Variants in SLC13A3 observed in about 807,000 individuals in gnomAD.
The protein encoded by SLC13A3 is Na(+)/dicarboxylate cotransporter 3.
In SLC13A3, 40 loss-of-function variants were observed where a neutral mutation model predicts 59.0. The observed-to-expected ratio is 0.68, with a 90% CI of 0.53 to 0.88. The LOEUF is 0.88. Ranked by LOEUF, SLC13A3 falls within the 40% of genes least tolerant of loss-of-function variation. The pLI is 0.00. For synonymous variants in SLC13A3, 317 were observed against 330.3 expected (o/e 0.96, Z 0.44); for missense variants, 699 against 783.2 (o/e 0.89, Z 1.28).
intron 5 of SLC13A3, among the ~76,000 whole-genome samples, chr20:46,594,003 G>A (rs847093): frequency 0.058 from 8,800 of 151,960 alleles, 836 homozygotes; most frequent in African/African-American, 0.2. Flanking sequence ...TTGGCAACAA[G>A]GGCCAAAGGA....
At chr20:46,649,529 C>T (rs2062932359) in intron 1 of SLC13A3, among the ~76,000 whole-genome samples, 2 of 152,236 alleles carry the variant, frequency 1.3e-5, no homozygotes, top group South Asian at 2.1e-4. Flanking sequence ...CTCTTCTTGC[C>T]AGAGAGCTCT....
chr20:46,634,525 C>A (rs2062776579), intron 1 of SLC13A3, among the ~76,000 whole-genome samples: 1 of 152,182 alleles, frequency 6.6e-6, no homozygotes, highest in African/African-American at 2.4e-5. Flanking sequence ...GCCTGAGCCC[C>A]GCCCCCAACC....
chr20:46,623,344 C>G (rs572686423), intron 1 of SLC13A3, among the ~76,000 whole-genome samples: 1 of 152,250 alleles, frequency 6.6e-6, no homozygotes, highest in African/African-American at 2.4e-5. Flanking sequence ...AAGTTTCAGG[C>G]GTCTTCTATG....
chr20:46,662,334 CA>C (rs901920935), intron 1 of SLC13A3, among the ~76,000 whole-genome samples: 1 of 151,960 alleles, frequency 6.6e-6, no homozygotes, highest in South Asian at 2.1e-4. Context: ...GAACTCTTTC[CA>C]AAAAAATAAT....
intron 3 of SLC13A3, among the ~76,000 whole-genome samples, chr20:46,610,043 CT>C: frequency 6.6e-6 from 1 of 152,220 alleles, no homozygotes; most frequent in Admixed American, 6.5e-5. Flanking sequence ...GATTCATCAG[CT>C]TCCTTATTTC....
chr20:46,640,125 T>C (rs1600600613), intron 1 of SLC13A3, among the ~76,000 whole-genome samples: 1 of 152,262 alleles, frequency 6.6e-6, no homozygotes, highest in East Asian at 1.9e-4. Flanking sequence ...TGTGGCTCTT[T>C]TGAAGTCTCC....
chr20:46,680,493 G>T (rs190498419), intron 1 of SLC13A3, among the ~76,000 whole-genome samples: 1 of 152,314 alleles, frequency 6.6e-6, no homozygotes, highest in African/African-American at 2.4e-5. Context: ...CCAGAGGCAG[G>T]GAGAGTGGTC....
At chr20:46,600,248 T>C (rs1388407297) in intron 3 of SLC13A3, among the ~76,000 whole-genome samples, 1 of 69,042 alleles carries the variant, frequency 1.4e-5, no homozygotes, top group Non-Finnish European at 2.8e-5. Flanking sequence ...GAGAGAGAGA[T>C]GGAGGAAGGA....
At chr20:46,595,202 C>G (rs2062298509) in intron 5 of SLC13A3, among the ~76,000 whole-genome samples, 2 of 152,178 alleles carry the variant, frequency 1.3e-5, no homozygotes, top group African/African-American at 4.8e-5. Context: ...AATCCTGGAA[C>G]CTAAAAGTCT....
At chr20:46,661,684 A>G (rs1439888107) in intron 1 of SLC13A3, among the ~76,000 whole-genome samples, 1 of 151,810 alleles carries the variant, frequency 6.6e-6, no homozygotes, top group South Asian at 2.1e-4. Context: ...TGGCCTTTGG[A>G]GGGCTATGGT....
At chr20:46,642,309 G>C (rs982995975) in intron 1 of SLC13A3, among the ~76,000 whole-genome samples, 17 of 152,244 alleles carry the variant, frequency 1.1e-4, no homozygotes, top group Admixed American at 1.1e-3. Flanking sequence ...CTGTGAGCAT[G>C]GGTGTCATTT....
At chr20:46,618,124 AC>A (rs2062580202) in intron 1 of SLC13A3, among the ~76,000 whole-genome samples, 1 of 152,088 alleles carries the variant, frequency 6.6e-6, no homozygotes, top group Admixed American at 6.5e-5. Context: ...ATTATGAGAC[AC>A]CTAGACCCCT....
intron 1 of SLC13A3, 26 bp from the exon 2 acceptor site, chr20:46,613,751 G>C: frequency 6.4e-7 from 1 of 1,566,690 alleles, no homozygotes. Flanking sequence ...CATGCTCAGA[G>C]GGTCAGCGGG....
rs148429934 is a variant in SLC13A3 at position 46,616,344 on chromosome 20, C to T, written c.112-2619G>A. On this transcript the variant is annotated intron_variant, in intron 1 of 12. Coordinates refer to ENST00000279027, the MANE Select transcript of SLC13A3 (RefSeq NM_022829.6). ...CTGGAGAAGTGAGAAAAAGAGCTGTCGATGGGCTTCTCTGTTCTCTCCCTC... is the reference window on the plus strand; with the variant it reads ...CTGGAGAAGTGAGAAAAAGAGCTGTTGATGGGCTTCTCTGTTCTCTCCCTC... Among the ~76,000 whole-genome samples the T allele has an allele frequency of 3.9e-3, 591 of 152,296 alleles. 3 individuals carry two copies. The highest frequency in any genetic ancestry group is 0.031 in the Middle Eastern group (9 of 294).
intron 1 of SLC13A3, 40 bp from the exon 2 acceptor site, chr20:46,613,765 C>T (rs1458750150): frequency 3.0e-5 from 41 of 1,388,284 alleles, no homozygotes; most frequent in Non-Finnish European, 3.4e-5. Context: ...CAGCGGGGCT[C>T]GGGGCAGAAG....
intron 2 of SLC13A3, among the ~76,000 whole-genome samples, chr20:46,612,553 T>C (rs1000515468): frequency 6.6e-6 from 1 of 152,112 alleles, no homozygotes; most frequent in African/African-American, 2.4e-5. Flanking sequence ...GTCTTGCCGT[T>C]TGCGGTGTTA....
At chr20:46,588,889 C>T (rs6066029) in intron 7 of SLC13A3, among the ~76,000 whole-genome samples, 19,257 of 152,160 alleles carry the variant, frequency 0.13, 1,460 homozygotes, top group East Asian at 0.36. Context: ...TTCTGCGTAC[C>T]GGGAGGGAAA....
intron 1 of SLC13A3, among the ~76,000 whole-genome samples, chr20:46,622,621 CGTGTGTGTGTGTGT>C (rs11469544): frequency 0.016 from 2,132 of 134,134 alleles, 26 homozygotes; most frequent in African/African-American, 0.027. Flanking sequence ...GTGGTGTGTG[CGTGTGTGTGTGTGT>C]GTGTGTGTGT....
rs762504469 is a variant in SLC13A3 at position 46,596,255 on chromosome 20, C to A, written c.696G>T (p.Lys232Asn). Residue 232 changes from lysine (K) to asparagine (N), a missense_variant, in exon 5 of 13, where the codon AAG becomes AAT. Lys to Asn is a moderately conservative substitution (Grantham distance 94). Coordinates refer to ENST00000279027, the MANE Select transcript of SLC13A3 (RefSeq NM_022829.6). Reference sequence around the variant, plus strand: ...AGTAGGGGATGGAGATGAGGAAGCCCTTCCAGATGTTCCGACGATATTCAT... The same window carrying A: ...AGTAGGGGATGGAGATGAGGAAGCCATTCCAGATGTTCCGACGATATTCAT... ...KEDEYRRNIW[K>N]GFLISIPYSA... The A allele has an allele frequency of 3.1e-6, 5 of 1,614,142 alleles. No homozygotes were observed. In the South Asian group the frequency reaches 5.5e-5, roughly 18 times the overall value.
Sources: allele counts gnomAD v4.1 joint callset (sites outside exome capture counted in the v4.1 genomes callset), GRCh38; gene constraint gnomAD v4.1.1; transcripts MANE v1.5; gene names NCBI Gene and HGNC (gene_info 2026-07-23, HGNC 2026-07-21).